Variants in THSD7A observed in about 807,000 individuals in gnomAD.
THSD7A encodes the protein thrombospondin type-1 domain-containing protein 7A.
Under a neutral mutation model 231.3 loss-of-function variants are expected in THSD7A, and 96 were observed. That is an observed-to-expected ratio of 0.41 (90% CI 0.35 to 0.49). The LOEUF is 0.49. Ranked by LOEUF, THSD7A falls within the 20% of genes least tolerant of loss-of-function variation. THSD7A has a pLI of 0.05. For missense variants in THSD7A, 2,290 were observed against 2,070.2 expected (o/e 1.11, Z -2.06); for synonymous variants, 940 against 743.3 (o/e 1.26, Z -4.30).
At chr7:11,695,272 G>A (rs1780353355) in intron 1 of THSD7A, among the ~76,000 whole-genome samples, 1 of 151,446 alleles carries the variant, frequency 6.6e-6, no homozygotes, top group African/African-American at 2.4e-5. Context: ...AGGATATCGA[G>A]AGTCTAGAAT....
intron 2 of THSD7A, among the ~76,000 whole-genome samples, chr7:11,600,406 T>G (rs972851787): frequency 4.6e-5 from 7 of 152,144 alleles, no homozygotes; most frequent in Admixed American, 2.0e-4. Flanking sequence ...CCACTAAATA[T>G]ACCTTTAATA....
At chr7:11,435,647 T>C (rs1784609832) in intron 13 of THSD7A, among the ~76,000 whole-genome samples, 1 of 152,120 alleles carries the variant, frequency 6.6e-6, no homozygotes, top group South Asian at 2.1e-4. Context: ...GGATGCCTCA[T>C]GTTTCAGATG....
intron 1 of THSD7A, among the ~76,000 whole-genome samples, chr7:11,727,670 C>A (rs1781594550): frequency 6.6e-6 from 1 of 151,850 alleles, no homozygotes; most frequent in Non-Finnish European, 1.5e-5. Flanking sequence ...AGAAAATATA[C>A]TTAAAAGTAC....
At chr7:11,585,490 T>C (rs779781700) in intron 4 of THSD7A, among the ~76,000 whole-genome samples, 1 of 152,218 alleles carries the variant, frequency 6.6e-6, no homozygotes, top group Non-Finnish European at 1.5e-5. Flanking sequence ...CTCCATAGGC[T>C]AATTGATATA....
chr7:11,443,289 G>T (rs1364908443), intron 13 of THSD7A, among the ~76,000 whole-genome samples: 2 of 152,020 alleles, frequency 1.3e-5, no homozygotes, highest in Non-Finnish European at 2.9e-5. Context: ...TCTTTTAAGT[G>T]ATCTTCAATT....
chr7:11,543,697 A>G (rs1179763119), intron 4 of THSD7A, among the ~76,000 whole-genome samples: 1 of 152,180 alleles, frequency 6.6e-6, no homozygotes, highest in African/African-American at 2.4e-5. Context: ...ATAATAACAC[A>G]TTATCTGCAT....
In THSD7A at chr7:11,487,199, T is replaced by C. The variant is rs1337608127; in HGVS notation, c.1823-5217A>G. Among the ~76,000 whole-genome samples the C allele has an allele frequency of 2.0e-5, 3 of 152,158 alleles. No homozygotes were observed. The South Asian group carries it at 6.2e-4, about 32-fold the overall frequency. On this transcript the variant is annotated intron_variant, in intron 6 of 27. Coordinates refer to ENST00000423059, the MANE Select transcript of THSD7A (RefSeq NM_015204.3). ...CACACTCTCATGAGCTCTCCTAAAC[T>C]ATTCCTTTTTATTCGACTGTATCTC... is the stretch of plus-strand genomic sequence containing the variant.
intron 1 of THSD7A, among the ~76,000 whole-genome samples, chr7:11,732,768 A>G (rs1008506465): frequency 5.3e-5 from 8 of 151,814 alleles, no homozygotes. Context: ...AATAGAGGTT[A>G]GGGCATATGA....
intron 1 of THSD7A, among the ~76,000 whole-genome samples, chr7:11,764,860 T>C (rs1583271034): frequency 6.6e-6 from 1 of 152,166 alleles, no homozygotes; most frequent in South Asian, 2.1e-4. Flanking sequence ...TTATAATTCA[T>C]TAAATTATAA....
At chr7:11,787,188 G>A (rs939356181) in intron 1 of THSD7A, among the ~76,000 whole-genome samples, 10 of 151,958 alleles carry the variant, frequency 6.6e-5, no homozygotes, top group African/African-American at 2.4e-4. Context: ...AAATCATGTT[G>A]GAACAACTGG....
chr7:11,729,520 CA>C (rs1781656461), intron 1 of THSD7A, among the ~76,000 whole-genome samples: 1 of 151,632 alleles, frequency 6.6e-6, no homozygotes, highest in African/African-American at 2.4e-5. Flanking sequence ...AGCAAGCAAA[CA>C]AAAAACACGA....
intron 9 of THSD7A, among the ~76,000 whole-genome samples, chr7:11,468,015 G>A (rs1785777758): frequency 6.6e-6 from 1 of 151,834 alleles, no homozygotes; most frequent in Non-Finnish European, 1.5e-5. Context: ...AAATACTTTA[G>A]ATCAAATCAA....
At chr7:11,382,677 G>T in intron 23 of THSD7A, 61 bp from the exon 24 acceptor site, 4 of 1,217,984 alleles carry the variant, frequency 3.3e-6, no homozygotes, top group Non-Finnish European at 4.8e-6. Context: ...CAATCATGGG[G>T]ATAGAGTATT....
chr7:11,631,241 C>G (rs997561321), intron 2 of THSD7A, among the ~76,000 whole-genome samples: 2 of 152,142 alleles, frequency 1.3e-5, no homozygotes, highest in South Asian at 2.1e-4. Context: ...CTCTGAGGCA[C>G]AGATTTATCA....
intron 1 of THSD7A, among the ~76,000 whole-genome samples, chr7:11,797,001 T>C (rs1375615351): frequency 2.0e-5 from 3 of 152,140 alleles, no homozygotes; most frequent in Non-Finnish European, 4.4e-5. Context: ...CTTGAATGTC[T>C]GAAAAATCCC....
intron 1 of THSD7A, among the ~76,000 whole-genome samples, chr7:11,732,830 C>G (rs151068199): frequency 1.1e-4 from 16 of 151,830 alleles, no homozygotes; most frequent in African/African-American, 3.9e-4. Flanking sequence ...AAGTTTGTAA[C>G]CTGTATTCCT....
chr7:11,785,085 A>G (rs890962248), intron 1 of THSD7A, among the ~76,000 whole-genome samples: 1 of 152,172 alleles, frequency 6.6e-6, no homozygotes, highest in Admixed American at 6.5e-5. Flanking sequence ...GTCCCATAGC[A>G]TTGTTTCCTG....
intron 6 of THSD7A, among the ~76,000 whole-genome samples, chr7:11,536,725 T>G (rs530794520): frequency 1.3e-5 from 2 of 152,262 alleles, no homozygotes; most frequent in East Asian, 1.9e-4. Context: ...ATAAGCTCGA[T>G]GCATCTTCAT....
intron 6 of THSD7A, among the ~76,000 whole-genome samples, chr7:11,529,487 G>C (rs2128318845): frequency 6.6e-6 from 1 of 152,182 alleles, no homozygotes; most frequent in Admixed American, 6.5e-5. Flanking sequence ...ACCAGGCAGG[G>C]ACCAGGTGGG....
Sources: allele counts gnomAD v4.1 joint callset (sites outside exome capture counted in the v4.1 genomes callset), GRCh38; gene constraint gnomAD v4.1.1; transcripts MANE v1.5; gene names NCBI Gene and HGNC (gene_info 2026-07-23, HGNC 2026-07-21).